KHDRBS2: variants seen among roughly 807,000 people sequenced by gnomAD.
The protein encoded by KHDRBS2 is KH domain-containing, RNA-binding, signal transduction-associated protein 2.
KHDRBS2 carries 26 observed loss-of-function variants against 44.3 expected under a neutral mutation model. That is an observed-to-expected ratio of 0.59 (90% CI 0.43 to 0.81). The LOEUF (loss-of-function observed/expected upper bound fraction) is 0.81. Among genes scored for constraint, KHDRBS2 ranks in the 40% least tolerant of loss-of-function variants. KHDRBS2 has a pLI of 0.00. For synonymous variants in KHDRBS2, 194 were observed against 151.1 expected (o/e 1.28, Z -2.08); for missense variants, 476 against 433.1 (o/e 1.10, Z -0.88).
chr6:61,631,304 C>T, the KHDRBS2 span, among the ~76,000 whole-genome samples: 1 of 18,610 alleles, frequency 5.4e-5, no homozygotes, highest in Admixed American at 9.4e-4. Flanking sequence ...GACGAATAAG[C>T]CAAAAAAAAA....
intron 6 of KHDRBS2, among the ~76,000 whole-genome samples, chr6:61,785,180 A>AC (rs1401295886): frequency 1.3e-5 from 2 of 151,566 alleles, no homozygotes; most frequent in African/African-American, 2.4e-5. Context: ...AACAACAACA[A>AC]AAAAAAACAG....
At chr6:62,061,002 C>A (rs1218937493) in intron 2 of KHDRBS2, among the ~76,000 whole-genome samples, 1 of 151,674 alleles carries the variant, frequency 6.6e-6, no homozygotes, top group Admixed American at 6.6e-5. Context: ...CAACCCTTGC[C>A]TTTTTTTGTT....
chr6:62,107,512 T>C (rs1448317211), intron 2 of KHDRBS2, among the ~76,000 whole-genome samples: 1 of 152,100 alleles, frequency 6.6e-6, no homozygotes, highest in Non-Finnish European at 1.5e-5. Context: ...AAAATGGCCA[T>C]ACTGCCCAAA....
At chr6:61,599,871 C>T in the KHDRBS2 span, among the ~76,000 whole-genome samples, 1 of 152,116 alleles carries the variant, frequency 6.6e-6, no homozygotes, top group Non-Finnish European at 1.5e-5. Context: ...AAGAGTGCTG[C>T]CACTTGGTCA....
chr6:62,280,233 G>A (rs916637080), intron 1 of KHDRBS2, among the ~76,000 whole-genome samples: 9 of 152,180 alleles, frequency 5.9e-5, no homozygotes, highest in Admixed American at 3.3e-4. Flanking sequence ...AGAACGTCAA[G>A]GGGTATGGAC....
chr6:61,777,947 C>A (rs934905726), intron 6 of KHDRBS2, among the ~76,000 whole-genome samples: 8 of 151,900 alleles, frequency 5.3e-5, no homozygotes, highest in African/African-American at 1.9e-4. Flanking sequence ...TATTTCACTA[C>A]CCAGGTATTA....
chr6:62,086,344 G>A (rs1235940868), intron 2 of KHDRBS2, among the ~76,000 whole-genome samples: 1 of 151,998 alleles, frequency 6.6e-6, no homozygotes, highest in Non-Finnish European at 1.5e-5. Context: ...AACAGGAAGG[G>A]GTAGAAAGAC....
At chr6:62,132,196 AAT>A (rs1421531956) in intron 2 of KHDRBS2, among the ~76,000 whole-genome samples, 2 of 152,218 alleles carry the variant, frequency 1.3e-5, no homozygotes, top group African/African-American at 4.8e-5. Flanking sequence ...TGATTTGATG[AAT>A]ACATGGAAGA....
At chr6:61,938,126 A>G (rs1811387081) in intron 4 of KHDRBS2, among the ~76,000 whole-genome samples, 1 of 152,080 alleles carries the variant, frequency 6.6e-6, no homozygotes. Context: ...ATAAATATAA[A>G]TATAAATATA....
intron 6 of KHDRBS2, among the ~76,000 whole-genome samples, chr6:61,813,553 A>G (rs1372696840): frequency 6.6e-6 from 1 of 152,220 alleles, no homozygotes; most frequent in African/African-American, 2.4e-5. Flanking sequence ...AGCTAATATT[A>G]GAAGAGTATG....
At chr6:62,227,162 T>C (rs1211487812) in intron 1 of KHDRBS2, among the ~76,000 whole-genome samples, 1 of 152,214 alleles carries the variant, frequency 6.6e-6, no homozygotes, top group Admixed American at 6.5e-5. Context: ...AAGGATGGAA[T>C]GTTTTTCCAT....
chr6:62,155,709 A>C (rs1816211860), intron 2 of KHDRBS2, among the ~76,000 whole-genome samples: 2 of 152,354 alleles, frequency 1.3e-5, no homozygotes, highest in South Asian at 4.1e-4. Flanking sequence ...ATAATCAAAA[A>C]CAATTCCCCC....
chr6:62,107,946 A>G (rs1210490531), intron 2 of KHDRBS2, among the ~76,000 whole-genome samples: 1 of 152,154 alleles, frequency 6.6e-6, no homozygotes, highest in Non-Finnish European at 1.5e-5. Context: ...AATTAATTCA[A>G]GATGGATTAA....
At chr6:62,236,527 T>C (rs1417277362) in intron 1 of KHDRBS2, among the ~76,000 whole-genome samples, 1 of 152,056 alleles carries the variant, frequency 6.6e-6, no homozygotes, top group African/African-American at 2.4e-5. Context: ...GACCTCCATG[T>C]AACTTCACCA....
At chr6:61,974,998 T>C (rs1482190533) in intron 4 of KHDRBS2, among the ~76,000 whole-genome samples, 1 of 151,864 alleles carries the variant, frequency 6.6e-6, no homozygotes, top group Non-Finnish European at 1.5e-5. Context: ...CTACAGTGTG[T>C]GAATGGAGAC....
At chr6:61,750,219 C>T (rs1026940934) in intron 6 of KHDRBS2, among the ~76,000 whole-genome samples, 4 of 152,116 alleles carry the variant, frequency 2.6e-5, no homozygotes, top group Admixed American at 2.0e-4. Context: ...AAAGGTCATT[C>T]TTTTAAAAGT....
intron 2 of KHDRBS2, among the ~76,000 whole-genome samples, chr6:62,059,028 T>C (rs1044875884): frequency 1.3e-5 from 2 of 151,408 alleles, no homozygotes; most frequent in African/African-American, 4.8e-5. Flanking sequence ...GAACCAAATA[T>C]AAATACCTCT....
intron 6 of KHDRBS2, among the ~76,000 whole-genome samples, chr6:61,775,226 G>C (rs988974716): frequency 6.6e-6 from 1 of 151,830 alleles, no homozygotes; most frequent in Non-Finnish European, 1.5e-5. Flanking sequence ...CTTTGAAAAT[G>C]GGCACAAGAC....
intron 6 of KHDRBS2, among the ~76,000 whole-genome samples, chr6:61,851,134 C>T (rs1201268970): frequency 6.6e-6 from 1 of 151,854 alleles, no homozygotes; most frequent in East Asian, 1.9e-4. Context: ...GATTAACTAT[C>T]CCCAAATAAT....
Sources: allele counts gnomAD v4.1 joint callset (sites outside exome capture counted in the v4.1 genomes callset), GRCh38; gene constraint gnomAD v4.1.1; transcripts MANE v1.5; gene names NCBI Gene and HGNC (gene_info 2026-07-23, HGNC 2026-07-21).